Variants in NUP210L observed in about 807,000 individuals in gnomAD.
NUP210L encodes nucleoporin 210 like.
A neutral mutation model predicts 208.5 loss-of-function variants in NUP210L; 74 were observed. The observed-to-expected ratio is 0.35, with a 90% CI of 0.29 to 0.43. NUP210L has a LOEUF of 0.43. NUP210L is among the 20% of genes least tolerant of loss of function. The pLI, the probability that NUP210L is intolerant of heterozygous loss-of-function variation, is 1.00. For synonymous variants in NUP210L, 780 were observed against 816.9 expected, an observed-to-expected ratio of 0.95 and a Z score of 0.77; for missense variants, 1,843 against 2,289.4, an observed-to-expected ratio of 0.81 and a Z score of 3.98.
chr1:154,070,626 T>C (rs1303562402), intron 16 of NUP210L, among the ~76,000 whole-genome samples, 161 bp from the exon 17 acceptor site: 2 of 152,180 alleles, frequency 1.3e-5, no homozygotes, highest in East Asian at 3.8e-4. Context: ...TAAATACCTA[T>C]ATACATACAC....
At chr1:154,010,053 G>A in exon 35 of NUP210L, 1 of 1,613,878 alleles carries the variant, frequency 6.2e-7, no homozygotes, top group Non-Finnish European at 8.5e-7. Flanking sequence ...AACTGTACAT[G>A]GCACAGCATG....
chr1:154,109,156 T>G (rs1460308019), intron 12 of NUP210L, among the ~76,000 whole-genome samples: 1 of 151,450 alleles, frequency 6.6e-6, no homozygotes, highest in Non-Finnish European at 1.5e-5. Context: ...GAAACATGCT[T>G]CACCTATAAA....
At chr1:154,142,532 A>G (rs1246843565) in intron 3 of NUP210L, among the ~76,000 whole-genome samples, 1 of 152,190 alleles carries the variant, frequency 6.6e-6, no homozygotes, top group Non-Finnish European at 1.5e-5. Context: ...TAAATTCCAA[A>G]AAGTGTTCTT....
At chr1:154,022,182 T>C in exon 32 of NUP210L, 1 of 1,614,116 alleles carries the variant, frequency 6.2e-7, no homozygotes. Flanking sequence ...AAAGGTAAGC[T>C]TGGTGTCTGG....
intron 23 of NUP210L, among the ~76,000 whole-genome samples, chr1:154,055,175 CTTTCTTTCTTTCTT>C (rs1557944404): frequency 2.5e-5 from 2 of 81,576 alleles, no homozygotes; most frequent in South Asian, 4.7e-4. Flanking sequence ...TTCTTTCTTT[CTTTCTTTCTTTCTT>C]TTTCTTTCTT....
chr1:154,052,284 C>T (rs573631506), intron 25 of NUP210L, among the ~76,000 whole-genome samples: 60 of 152,274 alleles, frequency 3.9e-4, no homozygotes, highest in Admixed American at 1.5e-3. Context: ...GATACCATCA[C>T]GACACCTGAA....
intron 14 of NUP210L, among the ~76,000 whole-genome samples, chr1:154,095,472 G>A (rs1000422882): frequency 1.3e-5 from 2 of 152,100 alleles, no homozygotes; most frequent in Non-Finnish European, 1.5e-5. Context: ...ATTTCCTAAT[G>A]TTATTATATG....
chr1:153,994,682 A>T (rs1257575341), intron 38 of NUP210L, among the ~76,000 whole-genome samples: 2 of 151,880 alleles, frequency 1.3e-5, no homozygotes, highest in Non-Finnish European at 2.9e-5. Flanking sequence ...TTAAAATTAT[A>T]TGTGATAAGT....
Position 154,039,456 on chromosome 1 carries a change from G to A in NUP210L, c.3696+6613C>T, listed in dbSNP as rs1052072598. On this transcript the variant is annotated intron_variant, in intron 27 of 39. Transcript: ENST00000368559. ...TCACCATGTTGGCTAGGCTGGTCTC[G>A]AACTCCTGACCTCAGACAATCCACC... Among the ~76,000 whole-genome samples the A allele has an allele frequency of 3.3e-5, 5 of 151,890 alleles. No individual in the cohort carries two copies. The East Asian group carries it at 7.7e-4, about 23-fold the overall frequency.
At chr1:154,085,662 G>A (rs1354980532) in intron 16 of NUP210L, among the ~76,000 whole-genome samples, 1 of 152,028 alleles carries the variant, frequency 6.6e-6, no homozygotes, top group African/African-American at 2.4e-5. Flanking sequence ...ACCCAGAATA[G>A]CCAAAATAAT....
At chr1:154,100,182 G>A in intron 13 of NUP210L, 39 bp from the exon 14 acceptor site, 1 of 1,607,094 alleles carries the variant, frequency 6.2e-7, no homozygotes, top group East Asian at 2.2e-5. Context: ...GGGCGTGGTG[G>A]CTCAGGCTTG....
intron 16 of NUP210L, among the ~76,000 whole-genome samples, chr1:154,082,530 C>T (rs1459981139): frequency 1.3e-5 from 2 of 152,286 alleles, no homozygotes; most frequent in Non-Finnish European, 2.9e-5. Context: ...TCAGTGAGGG[C>T]ATGGAAGCTC....
chr1:154,057,549 T>C (rs1393122309), intron 22 of NUP210L, among the ~76,000 whole-genome samples: 2 of 152,130 alleles, frequency 1.3e-5, no homozygotes, highest in Admixed American at 1.3e-4. Flanking sequence ...AATACCAGTA[T>C]GTCTGCCTCT....
chr1:154,059,957 T>A (rs979990140), intron 20 of NUP210L, among the ~76,000 whole-genome samples: 2 of 152,188 alleles, frequency 1.3e-5, no homozygotes, highest in African/African-American at 4.8e-5. Flanking sequence ...ATTCATGTTA[T>A]AAAGTCAACA....
chr1:154,117,774 G>A, exon 12 of NUP210L: 2 of 1,607,256 alleles, frequency 1.2e-6, no homozygotes, highest in Non-Finnish European at 1.7e-6. Flanking sequence ...GGCCAAAACA[G>A]TACTATTCCC....
At chr1:154,047,951 A>C (rs1489419713) in intron 25 of NUP210L, among the ~76,000 whole-genome samples, 2 of 152,110 alleles carry the variant, frequency 1.3e-5, no homozygotes, top group African/African-American at 4.8e-5. Context: ...GAGTACTCTT[A>C]AGCAATCCCT....
At chr1:154,007,308 G>A (rs563706994) in intron 35 of NUP210L, among the ~76,000 whole-genome samples, 18 of 150,846 alleles carry the variant, frequency 1.2e-4, no homozygotes, top group Admixed American at 1.1e-3. Flanking sequence ...TGTTGCCCAG[G>A]TTGGAGTGCA....
chr1:153,995,385 T>C (rs1399800684), intron 37 of NUP210L, among the ~76,000 whole-genome samples: 1 of 152,032 alleles, frequency 6.6e-6, no homozygotes, highest in Admixed American at 6.6e-5. Flanking sequence ...GTAATAAGAG[T>C]ATCTGCCAGA....
chr1:154,151,754 C>G (rs1558012975), intron 2 of NUP210L, among the ~76,000 whole-genome samples: 1 of 152,008 alleles, frequency 6.6e-6, no homozygotes, highest in Non-Finnish European at 1.5e-5. Flanking sequence ...TGCCATTGCA[C>G]TACAACCTGT....
Sources: allele counts gnomAD v4.1 joint callset (sites outside exome capture counted in the v4.1 genomes callset), GRCh38; gene constraint gnomAD v4.1.1; transcripts MANE v1.5; gene names NCBI Gene and HGNC (gene_info 2026-07-23, HGNC 2026-07-21).